Variants in METTL21C observed in about 807,000 individuals in gnomAD.
The protein encoded by METTL21C is protein-lysine methyltransferase METTL21C.
In METTL21C, 21 loss-of-function variants were observed where a neutral mutation model predicts 25.9. That is an observed-to-expected ratio of 0.81 (90% CI 0.58 to 1.17). The LOEUF (loss-of-function observed/expected upper bound fraction) is 1.17, where lower values mean the gene tolerates loss of function less well. METTL21C is among the 50% of genes most tolerant of loss of function. METTL21C has a pLI of 0.00. For synonymous variants in METTL21C, 125 were observed against 124.7 expected, an observed-to-expected ratio of 1.00 and a Z score of -0.01; for missense variants, 312 against 315.1, an observed-to-expected ratio of 0.99 and a Z score of 0.07.
At chr13:102,699,781 A>G (rs982838630), upstream of METTL21C, among the ~76,000 whole-genome samples, 1 of 150,920 alleles carries the variant, frequency 6.6e-6, no homozygotes, top group Non-Finnish European at 1.5e-5. Flanking sequence ...TGTCTGTCAA[A>G]TGGTCCAGGG....
intron 3 of METTL21C, among the ~76,000 whole-genome samples, chr13:102,686,656 C>T (rs973352784): frequency 1.3e-5 from 2 of 152,140 alleles, no homozygotes; most frequent in Non-Finnish European, 2.9e-5. Context: ...GTCAGTAGCT[C>T]CCCCACCTCA....
chr13:102,685,816 T>G lies in METTL21C; in HGVS notation c.*215A>C. The G allele has an allele frequency of 2.1e-6, 1 of 482,162 alleles. No individual in the cohort carries two copies. The highest frequency in any genetic ancestry group is 3.5e-6 in the Non-Finnish European group (1 of 281,850). The allele number at this position is 482,162 out of a possible 1,614,324, so 29.9% of individuals were successfully genotyped here. A position where few individuals can be genotyped will look rare whatever the true frequency, so the allele number is the denominator to read the frequency against. ...AACCAACAAAGCTACTTTCATGTTT[T>G]TATGTTGTTCTTTTTAGATATTTAG... On this transcript the variant is annotated 3_prime_UTR_variant, in exon 4 of 4. Coordinates refer to ENST00000267273, the MANE Select transcript of METTL21C (RefSeq NM_001010977.3).
At chr13:102,696,718 C>G (rs1885952239), upstream of METTL21C, among the ~76,000 whole-genome samples, 1 of 152,152 alleles carries the variant, frequency 6.6e-6, no homozygotes, top group Admixed American at 6.5e-5. Context: ...CATGCGTCAA[C>G]TCCAGGCTCT....
At chr13:102,701,894 A>G in the METTL21C span, among the ~76,000 whole-genome samples, 2 of 152,202 alleles carry the variant, frequency 1.3e-5, no homozygotes, top group Non-Finnish European at 2.9e-5. Context: ...GGCAGGGCCC[A>G]GTGGCTCATG....
At chr13:102,694,078 T>C (rs1326493394) in intron 1 of METTL21C, among the ~76,000 whole-genome samples, 3 of 152,182 alleles carry the variant, frequency 2.0e-5, no homozygotes, top group African/African-American at 4.8e-5. Context: ...TTGTTCTTCT[T>C]TTAAGTTCTT....
the METTL21C span, among the ~76,000 whole-genome samples, chr13:102,701,607 TTG>T: frequency 2.3e-3 from 343 of 150,222 alleles, no homozygotes; most frequent in Non-Finnish European, 4.1e-3. Context: ...TCTAGCCTGA[TTG>T]TGTGTGTGTG....
At chr13:102,703,390 T>C in the METTL21C span, among the ~76,000 whole-genome samples, 1 of 152,240 alleles carries the variant, frequency 6.6e-6, no homozygotes, top group Non-Finnish European at 1.5e-5. Context: ...AATTCATTGG[T>C]GTTCTTTTTC....
chr13:102,698,962 A>C (rs1025803629), upstream of METTL21C, among the ~76,000 whole-genome samples: 1 of 152,148 alleles, frequency 6.6e-6, no homozygotes, highest in African/African-American at 2.4e-5. Flanking sequence ...AACTGCAGTC[A>C]CCATCCATCA....
chr13:102,696,856 C>T (rs913744504), upstream of METTL21C, among the ~76,000 whole-genome samples: 25 of 152,012 alleles, frequency 1.6e-4, no homozygotes, highest in African/African-American at 5.8e-4. Context: ...TGTTATTGAG[C>T]GAAACTCTGA....
At chr13:102,695,531 A>G (rs1433730438), upstream of METTL21C, among the ~76,000 whole-genome samples, 2 of 152,206 alleles carry the variant, frequency 1.3e-5, no homozygotes, top group Non-Finnish European at 2.9e-5. Flanking sequence ...AGGGAGTTGG[A>G]TGAATGGTGT....
chr13:102,694,201 C>T (rs1885893467), intron 1 of METTL21C, among the ~76,000 whole-genome samples, 168 bp downstream of exon 1: 1 of 151,848 alleles, frequency 6.6e-6, no homozygotes, highest in Non-Finnish European at 1.5e-5. Flanking sequence ...AATGAAAAAA[C>T]AGGAATTATG....
At chr13:102,696,353 T>A (rs1290299192), upstream of METTL21C, among the ~76,000 whole-genome samples, 1 of 151,170 alleles carries the variant, frequency 6.6e-6, no homozygotes, top group Non-Finnish European at 1.5e-5. Context: ...ATCACACACC[T>A]GGGCCTGTCA....
chr13:102,696,105 A>G (rs1203196801), upstream of METTL21C, among the ~76,000 whole-genome samples: 5 of 152,082 alleles, frequency 3.3e-5, no homozygotes, highest in Non-Finnish European at 5.9e-5. Context: ...TTTTGTATAA[A>G]CTTTTTTAAA....
chr13:102,685,996 G>C lies in METTL21C; in HGVS notation c.*35C>G. The C allele has an allele frequency of 4.6e-6, 7 of 1,530,802 alleles. No individual in the cohort carries two copies. The highest frequency in any genetic ancestry group is 6.1e-6 in the Non-Finnish European group (7 of 1,138,546). 94.8% of individuals were successfully genotyped at this position (1,530,802 alleles called of 1,614,324 possible). On this transcript the variant is annotated 3_prime_UTR_variant, in exon 4 of 4. Coordinates refer to ENST00000267273, the MANE Select transcript of METTL21C (RefSeq NM_001010977.3). ...GCAATTTCTAACACATTGCTCAAAA[G>C]ACACAGTAACGTTGTGAAAGGCATT...
In METTL21C at chr13:102,686,358, G is replaced by T. The variant is rs750822863; in HGVS notation, c.468C>A (p.Asn156Lys). 6 of 1,614,024 alleles carry T rather than the reference G, an allele frequency of 3.7e-6. No individual in the cohort carries two copies. Among genetic ancestry groups the T allele is most frequent in the Non-Finnish European group, 5.1e-6 (6 of 1,180,018 alleles). The change falls in exon 4 of 4, where the codon AAC becomes AAA. Residue 156 changes from asparagine (N) to lysine (K), a missense_variant. Transcript: ENST00000267273. Reference protein sequence around the residue: ...LGNLQYNLLKNTLQCTAHLPE... With the variant: ...LGNLQYNLLKKTLQCTAHLPE... ...GCAGATGTGCTGTACATTGTAGTGT[G>T]TTTTTTAAAAGATTGTATTGAAGGT...
chr13:102,688,560 A>T (rs1425498836), intron 2 of METTL21C, among the ~76,000 whole-genome samples: 1 of 152,248 alleles, frequency 6.6e-6, no homozygotes, highest in East Asian at 1.9e-4. Flanking sequence ...ATGGTGTGAC[A>T]TAAATAGCAC....
At chr13:102,686,491 A>G (rs1397382764) in intron 3 of METTL21C, 66 bp from the exon 4 acceptor site, 1 of 1,494,330 alleles carries the variant, frequency 6.7e-7, no homozygotes, top group Non-Finnish European at 9.0e-7. Context: ...ATACCCAGGG[A>G]GAAACACAAG....
chr13:102,686,715 T>C (rs528815447), intron 3 of METTL21C, among the ~76,000 whole-genome samples: 5 of 152,336 alleles, frequency 3.3e-5, no homozygotes, highest in African/African-American at 9.6e-5. Context: ...GCCTCTGGAC[T>C]CAACTTCGTC....
upstream of METTL21C, among the ~76,000 whole-genome samples, chr13:102,696,071 TG>T (rs1021569061): frequency 1.3e-5 from 2 of 152,320 alleles, no homozygotes; most frequent in African/African-American, 4.8e-5. Flanking sequence ...CTTTTTTTTT[TG>T]TATCAACTTC....
Sources: allele counts gnomAD v4.1 joint callset (sites outside exome capture counted in the v4.1 genomes callset), GRCh38; gene constraint gnomAD v4.1.1; transcripts MANE v1.5; gene names NCBI Gene and HGNC (gene_info 2026-07-23, HGNC 2026-07-21).